The following SEMA5B variants were observed in gnomAD, a reference collection of about 807,000 sequenced individuals.
SEMA5B encodes semaphorin-5B.
SEMA5B carries 66 observed loss-of-function variants against 135.0 expected under a neutral mutation model. The ratio of observed to expected loss-of-function variants is 0.49; its 90% CI spans 0.40 to 0.60. The LOEUF (loss-of-function observed/expected upper bound fraction) is 0.60, where lower values mean the gene tolerates loss of function less well. Among genes scored for constraint, SEMA5B ranks in the 20% least tolerant of loss-of-function variants. The probability of loss-of-function intolerance (pLI) is 0.00; values close to 1 mark genes in which losing one functional copy is unlikely to be tolerated. For missense variants in SEMA5B, 1,501 were observed against 1,566.3 expected (o/e 0.96, Z 0.70); for synonymous variants, 690 against 639.5 (o/e 1.08, Z -1.19).
At chr3:122,927,344 G>C (rs111756168) in intron 8 of SEMA5B, among the ~76,000 whole-genome samples, 10,828 of 152,078 alleles carry the variant, frequency 0.071, 424 homozygotes, top group Non-Finnish European at 0.083. Flanking sequence ...GCATCACCAC[G>C]CCTGGCTGAT....
intron 12 of SEMA5B, among the ~76,000 whole-genome samples, chr3:122,919,741 C>T (rs553792566): frequency 3.3e-5 from 5 of 152,282 alleles, no homozygotes; most frequent in South Asian, 2.1e-4. Context: ...TGTGACCTTG[C>T]GTTTCATACT....
At chr3:122,970,399 A>C (rs2107642391) in intron 1 of SEMA5B, among the ~76,000 whole-genome samples, 1 of 152,332 alleles carries the variant, frequency 6.6e-6, no homozygotes, top group Non-Finnish European at 1.5e-5. Context: ...CCTTCTCCAG[A>C]GTTTCTCATT....
intron 1 of SEMA5B, among the ~76,000 whole-genome samples, chr3:122,994,518 G>T (rs992222433): frequency 1.3e-5 from 2 of 152,212 alleles, no homozygotes; most frequent in African/African-American, 2.4e-5. Context: ...GTGCTGATGG[G>T]TCTGTAGGGA....
chr3:122,988,461 C>T (rs1361940487), intron 1 of SEMA5B, among the ~76,000 whole-genome samples: 4 of 152,160 alleles, frequency 2.6e-5, no homozygotes, highest in South Asian at 2.1e-4. Flanking sequence ...ACTGGAGGGG[C>T]GGAATGGGAA....
chr3:122,976,105 C>A, intron 1 of SEMA5B: 1 of 1,535,420 alleles, frequency 6.5e-7, no homozygotes, highest in South Asian at 1.2e-5. Context: ...ATGGCTTCCT[C>A]TGCTGACAGA....
chr3:123,010,703 A>G (rs756402686), intron 1 of SEMA5B, among the ~76,000 whole-genome samples: 8 of 149,680 alleles, frequency 5.3e-5, no homozygotes, highest in Middle Eastern at 3.3e-3. Context: ...CCAGCTACTC[A>G]GGAGGCTGAG....
intron 1 of SEMA5B, among the ~76,000 whole-genome samples, chr3:122,983,471 A>T (rs1433343254): frequency 1.3e-5 from 2 of 151,170 alleles, no homozygotes; most frequent in Admixed American, 6.6e-5. Flanking sequence ...GCGGGGTGGT[A>T]AAAAAAACCT....
intron 1 of SEMA5B, among the ~76,000 whole-genome samples, chr3:123,014,212 G>C (rs1942501134): frequency 6.6e-6 from 1 of 152,224 alleles, no homozygotes; most frequent in African/African-American, 2.4e-5. Context: ...AAAGGGGTCT[G>C]AGGTGGGTTT....
intron 20 of SEMA5B, 53 bp from the exon 21 acceptor site, chr3:122,911,588 G>A (rs1937711804): frequency 1.0e-5 from 16 of 1,559,586 alleles, no homozygotes; most frequent in Non-Finnish European, 1.4e-5. Context: ...GAGGAGGGGG[G>A]CCCTGCAGGG....
intron 18 of SEMA5B, 66 bp downstream of exon 18, chr3:122,912,777 C>T (rs1035264844): frequency 9.4e-5 from 133 of 1,422,408 alleles, no homozygotes; most frequent in Non-Finnish European, 6.0e-5. Context: ...AGGCCTGGGG[C>T]GGGGAAGGGG....
intron 5 of SEMA5B, among the ~76,000 whole-genome samples, chr3:122,938,374 C>T (rs994613452): frequency 7.9e-5 from 12 of 152,118 alleles, no homozygotes; most frequent in Non-Finnish European, 1.6e-4. Context: ...TAGTTCCTCC[C>T]AACCCTTCCC....
intron 1 of SEMA5B, among the ~76,000 whole-genome samples, chr3:122,987,668 T>C (rs1245366400): frequency 2.6e-5 from 4 of 152,140 alleles, no homozygotes; most frequent in Non-Finnish European, 5.9e-5. Context: ...TGGTGTGTGC[T>C]ATGGACGGAC....
chr3:122,962,326 G>C (rs533944564), intron 1 of SEMA5B, among the ~76,000 whole-genome samples: 7 of 152,186 alleles, frequency 4.6e-5, no homozygotes, highest in African/African-American at 1.4e-4. Flanking sequence ...AATGGATCCC[G>C]GCCAGTCATG....
At chr3:122,961,060 C>A (rs1372795268) in intron 2 of SEMA5B, 80 bp downstream of exon 2, 2 of 1,433,794 alleles carry the variant, frequency 1.4e-6, no homozygotes, top group East Asian at 4.6e-5. Context: ...GATGATGCCC[C>A]AGATGAGGGG....
chr3:122,979,810 C>A (rs1394600662), intron 1 of SEMA5B, among the ~76,000 whole-genome samples: 2 of 152,222 alleles, frequency 1.3e-5, no homozygotes, highest in African/African-American at 4.8e-5. Context: ...AACCAGCATA[C>A]AGGCTCAAAA....
chr3:122,966,122 TC>T (rs1278819705), intron 1 of SEMA5B, among the ~76,000 whole-genome samples: 1 of 152,036 alleles, frequency 6.6e-6, no homozygotes, highest in Non-Finnish European at 1.5e-5. Context: ...AGTTCCCTCC[TC>T]CTCCCCACTT....
rs778899118 is a variant in SEMA5B, at chr3:122,913,968, C to T, written c.2022G>A (p.Ala674=). The T allele has an allele frequency of 9.3e-6, 15 of 1,609,378 alleles. No homozygotes were observed. The highest frequency in any genetic ancestry group is 8.4e-5 in the Admixed American group (5 of 59,816). ...NGAWTPWSSW[A]LCSTSCGIGF... ...CGATGCCACAGGACGTGCTGCACAGCGCCCACGATGACCACGGGGTCCACG... is the reference window on the plus strand; with the variant it reads ...CGATGCCACAGGACGTGCTGCACAGTGCCCACGATGACCACGGGGTCCACG... The change falls in exon 15 of 23, where the codon GCG becomes GCA. Residue 674 remains alanine (A), a synonymous_variant. Transcript: ENST00000357599.
chr3:122,963,697 A>G (rs9813618), intron 1 of SEMA5B, among the ~76,000 whole-genome samples: 2,188 of 152,270 alleles, frequency 0.014, 52 homozygotes, highest in African/African-American at 0.051. Context: ...GGGCATCGGG[A>G]GGAGCAGAAC....
At chr3:122,958,098 C>T (rs1001468615) in intron 2 of SEMA5B, 4 of 152,258 alleles carry the variant, frequency 2.6e-5, no homozygotes, top group African/African-American at 9.6e-5. Flanking sequence ...AGGGCAGACT[C>T]TGGAGCCCCA....
Sources: gnomAD v4.1 joint callset for allele counts (sites outside exome capture counted in the v4.1 genomes callset) on GRCh38, gnomAD v4.1.1 for gene constraint, MANE v1.5 for transcripts, NCBI Gene and HGNC (gene_info 2026-07-23, HGNC 2026-07-21) for gene names.